Variants in SACS observed in about 807,000 individuals in gnomAD.
The protein encoded by SACS is sacsin molecular chaperone, also known as sacsin.
SACS carries 197 observed loss-of-function variants against 348.0 expected under a neutral mutation model. The observed-to-expected ratio is 0.57, with a 90% CI of 0.50 to 0.64. The LOEUF is 0.64. SACS is among the 30% of genes least tolerant of loss of function. SACS has a pLI of 0.00. For missense variants in SACS, 4,999 were observed against 5,360.8 expected (o/e 0.93, Z 2.11); for synonymous variants, 1,985 against 1,910.6 (o/e 1.04, Z -1.02).
At chr13:23,349,506 T>C (rs1869822199) in intron 9 of SACS, among the ~76,000 whole-genome samples, 1 of 152,250 alleles carries the variant, frequency 6.6e-6, no homozygotes, top group Non-Finnish European at 1.5e-5. Context: ...TGTTAAACTA[T>C]ATGTATTACG....
intron 9 of SACS, among the ~76,000 whole-genome samples, chr13:23,343,296 G>C (rs572890168): frequency 1.6e-4 from 24 of 152,030 alleles, no homozygotes. Context: ...TACATCTACA[G>C]GTATATTTTT....
rs1458425925 is a variant in SACS at position 23,411,536 on chromosome 13, G to A, written c.-297C>T. On this transcript the variant is annotated 5_prime_UTR_variant, in exon 2 of 10. Coordinates refer to ENST00000382292, the MANE Select transcript of SACS (RefSeq NM_014363.6). ...ATAAAACAGTGTGGATTCGCTAAAG[G>A]TTTTTGGCTTTCCCCCAGAGCAAAA... The A allele has an allele frequency of 2.7e-6, 1 of 365,134 alleles. No individual in the cohort carries two copies. The highest frequency in any genetic ancestry group is 4.9e-5 in the East Asian group (1 of 20,400). The allele number at this position is 365,134 out of a possible 1,614,324, so 22.6% of individuals were successfully genotyped here.
At position 23,336,691 on chromosome 13, in the gene SACS, G is replaced by C. The variant is rs565350294; in HGVS notation, c.7185C>G (p.Cys2395Trp). 1.7e-5 allele frequency: 28 copies of C among 1,613,680 alleles called. No individual in the cohort carries two copies. Among genetic ancestry groups the C allele is most frequent in the Middle Eastern group, 1.6e-4 (1 of 6,084 alleles). ...LFETVGVRQSCTVEDFALVLE... is the reference protein window; with the variant it reads ...LFETVGVRQSWTVEDFALVLE... ...AAACAAGAGCAAAATCTTCAACAGT[G>C]CATGACTGCCTCACACCCACGGTTT... Residue 2395 changes from cysteine (C) to tryptophan (W), a missense_variant, in exon 10 of 10, where the codon TGC becomes TGG. Physicochemically the swap from Cys to Trp is radical, Grantham distance 215. Coordinates refer to ENST00000382292, the MANE Select transcript of SACS (RefSeq NM_014363.6).
At chr13:23,404,208 T>C (rs1036740927) in intron 2 of SACS, among the ~76,000 whole-genome samples, 2 of 152,236 alleles carry the variant, frequency 1.3e-5, no homozygotes, top group African/African-American at 2.4e-5. Context: ...GAGAAGAATG[T>C]ATATTCTGTT....
At chr13:23,425,096 A>G (rs1482875281) in intron 1 of SACS, among the ~76,000 whole-genome samples, 1 of 151,008 alleles carries the variant, frequency 6.6e-6, no homozygotes, top group Non-Finnish European at 1.5e-5. Context: ...GTCCATCTGG[A>G]CACTGGTGTC....
intron 2 of SACS, among the ~76,000 whole-genome samples, chr13:23,390,141 A>G (rs1872473900): frequency 6.6e-6 from 1 of 152,146 alleles, no homozygotes; most frequent in Non-Finnish European, 1.5e-5. Context: ...TGTAGGCTTC[A>G]AACTGTGTTT....
Position 23,340,664 on chromosome 13 carries a change from G to C in SACS, c.3212C>G (p.Thr1071Ser). The part of the protein sequence containing the change: ...LKDLFCNEEG[T>S]YFPPSVFTSP... ...GGTAAAAACTGAGGGTGGGAAATAG[G>C]TTCCTTCTTCATTACAAAAGAGATC... Residue 1071 changes from threonine (T) to serine (S), a missense_variant, in exon 10 of 10, where the codon ACC (threonine) becomes AGC (serine). Around this residue, in one of 6 missense-constraint regions of SACS, gnomAD observed 3,156 missense variants for 3,380.1 expected, o/e 0.93. Transcript: ENST00000382292. The C allele has an allele frequency of 6.3e-7, 1 of 1,597,478 alleles. No individual in the cohort carries two copies.
chr13:23,334,886 C>T lies in SACS; in HGVS notation c.8990G>A (p.Arg2997Gln), dbSNP rs139670073. The change falls in exon 10 of 10, where the codon CGG becomes CAG. Residue 2997 changes from arginine to glutamine, a missense_variant. Physicochemically the swap from Arg to Gln is conservative, Grantham distance 43 (BLOSUM62 1). Transcript: ENST00000382292. ...EDMKRLLPVVRAPNIDGSDLH... is the reference protein window; with the variant it reads ...EDMKRLLPVVQAPNIDGSDLH... ...GTCAGAGCCATCAATATTTGGAGCC[C>T]GCACAACAGGTAAAAGACGTTTCAT... The T allele has an allele frequency of 1.2e-4, 197 of 1,613,698 alleles. No homozygotes were observed. In the East Asian group the frequency reaches 3.9e-3, roughly 32 times the overall value.
At position 23,333,527 on chromosome 13, in the gene SACS, G is replaced by C. The variant is rs1883626494; in HGVS notation, c.10349C>G (p.Ser3450Cys). 6.2e-7 allele frequency: 1 copy of C among 1,613,370 alleles called. No individual in the cohort carries two copies. Among genetic ancestry groups the C allele is most frequent in the Non-Finnish European group, 8.5e-7 (1 of 1,179,610 alleles). The change falls in exon 10 of 10, where the codon TCT becomes TGT. Residue 3450 changes from serine (S) to cysteine (C), a missense_variant. Ser to Cys is a moderately radical substitution (Grantham distance 112, BLOSUM62 -1). Around this residue, in one of 6 missense-constraint regions of SACS, gnomAD observed 734 missense variants for 694.0 expected, o/e 1.06. Transcript: ENST00000382292. ...EVEKWTQSSS[S>C]AFLEEKIHLK... ...GTGTATTTTTTCTTCAAGAAATGCA[G>C]ATGATGATGACTGTGTCCATTTCTC...
In SACS at chr13:23,330,837, T is replaced by C. The variant is rs200939906; in HGVS notation, c.13039A>G (p.Ile4347Val). The C allele has an allele frequency of 4.5e-5, 73 of 1,614,140 alleles. 1 individual carries two copies. In the East Asian group the frequency reaches 8.9e-4, roughly 20 times the overall value. The change falls in exon 10 of 10, where the codon ATT becomes GTT. Residue 4347 changes from isoleucine to valine, a missense_variant. Coordinates refer to ENST00000382292, the MANE Select transcript of SACS (RefSeq NM_014363.6). ...HPDKNPENHD[I>V]ANEVFKHLQN... ...AAATGTTTAAAAACTTCATTGGCAA[T>C]GTCATGGTTCTCTGGATTTTTGTCA...
In SACS at chr13:23,411,554, G is replaced by A. The variant is rs548638778; in HGVS notation, c.-315C>T. The A allele has an allele frequency of 6.4e-6, 2 of 313,044 alleles. No homozygotes were observed. The highest frequency in any genetic ancestry group is 2.2e-5 in the African/African-American group (1 of 46,330). 19.4% of individuals were successfully genotyped at this position (313,044 alleles called of 1,614,324 possible). A position where few individuals can be genotyped will look rare whatever the true frequency, so the allele number is the denominator to read the frequency against. ...GCTAAAGGTTTTTGGCTTTCCCCCA[G>A]AGCAAAATCAATTTATTTTCATCTG... On this transcript the variant is annotated 5_prime_UTR_variant, in exon 2 of 10. Transcript: ENST00000382292.
intron 2 of SACS, among the ~76,000 whole-genome samples, chr13:23,398,245 G>A (rs1477124360): frequency 1.3e-5 from 2 of 148,160 alleles, no homozygotes; most frequent in African/African-American, 5.0e-5. Context: ...AGAAATACAT[G>A]GTTTTAGCTG....
Position 23,374,652 on chromosome 13 carries a change from T to C in SACS, c.171+467A>G, listed in dbSNP as rs1367382747. On this transcript the variant is annotated intron_variant, in intron 3 of 9. Coordinates refer to ENST00000382292, the MANE Select transcript of SACS (RefSeq NM_014363.6). ...TTGAACTTTAAAAGTTTTAGTATGT[T>C]TACTCCCCAAGATAACAGGTTCTAT... is the stretch of plus-strand genomic sequence containing the variant. Among the ~76,000 whole-genome samples, 6 of 152,324 alleles carry C rather than the reference T, an allele frequency of 3.9e-5. No homozygotes were observed. In the East Asian group the frequency reaches 9.6e-4, roughly 24 times the overall value.
chr13:23,413,148 T>G (rs1873560988), intron 1 of SACS, among the ~76,000 whole-genome samples: 1 of 152,188 alleles, frequency 6.6e-6, no homozygotes, highest in Admixed American at 6.5e-5. Context: ...CAGCTAATTT[T>G]GTATTTCTAG....
intron 2 of SACS, 99 bp downstream of exon 2, chr13:23,411,121 T>G: frequency 1.0e-6 from 1 of 971,314 alleles, no homozygotes; most frequent in Admixed American, 1.8e-5. Flanking sequence ...ACCTCTCGAG[T>G]GCTTTCATTT....
Position 23,371,130 on chromosome 13 carries a change from G to T in SACS, c.207C>A (p.Ser69=). The T allele has an allele frequency of 6.2e-7, 1 of 1,609,914 alleles. No homozygotes were observed. Among genetic ancestry groups the T allele is most frequent in the East Asian group, 2.2e-5 (1 of 44,744 alleles). ...GGTTTACAAAAAGATGACAATTTTT[G>T]GAAGTCAGATCTCCAATCTTGATCC... ...SDWIKIGDLT[S]KNCHLFVNLQ... The change falls in exon 4 of 10, where the codon TCC becomes TCA. Residue 69 remains serine, a synonymous_variant. Transcript: ENST00000382292.
At chr13:23,396,080 TTGGGAGGCCGAGG>T (rs1034561683) in intron 2 of SACS, among the ~76,000 whole-genome samples, 6 of 152,122 alleles carry the variant, frequency 3.9e-5, no homozygotes, top group Admixed American at 6.6e-5. Flanking sequence ...TCCCAGCACT[TTGGGAGGCCGAGG>T]TGGACAGATT....
chr13:23,374,284 T>A (rs1268604302), intron 3 of SACS, among the ~76,000 whole-genome samples: 1 of 152,178 alleles, frequency 6.6e-6, no homozygotes, highest in Non-Finnish European at 1.5e-5. Flanking sequence ...AAGGTCAGGA[T>A]TACACTGAAG....
chr13:23,424,189 TCCA>T (rs1874065455), intron 1 of SACS, among the ~76,000 whole-genome samples: 10 of 152,204 alleles, frequency 6.6e-5, no homozygotes, highest in African/African-American at 2.4e-4. Context: ...AACTGGAATC[TCCA>T]TTATACAATT....
Sources: gnomAD v4.1 joint callset for allele counts (sites outside exome capture counted in the v4.1 genomes callset) on GRCh38, gnomAD v4.1.1 for gene constraint, gnomAD v4.1.1 regional missense constraint, MANE v1.5 for transcripts, NCBI Gene and HGNC (gene_info 2026-07-23, HGNC 2026-07-21) for gene names.